Variants in LRP1B observed in about 807,000 individuals in gnomAD.
LRP1B encodes LDL receptor related protein 1B.
A neutral mutation model predicts 556.6 loss-of-function variants in LRP1B; 217 were observed. The ratio of observed to expected loss-of-function variants is 0.39; its 90% CI spans 0.35 to 0.44. LRP1B has a LOEUF of 0.44. LRP1B is among the 20% of genes least tolerant of loss of function. The pLI, the probability that LRP1B is intolerant of heterozygous loss-of-function variation, is 1.00. For synonymous variants in LRP1B, 2,047 were observed against 1,865.8 expected, an observed-to-expected ratio of 1.10 and a Z score of -2.50; for missense variants, 5,053 against 5,620.8, an observed-to-expected ratio of 0.90 and a Z score of 3.23.
intron 1 of LRP1B, among the ~76,000 whole-genome samples, chr2:141,855,044 G>A (rs1377046789): frequency 1.3e-5 from 2 of 151,948 alleles, no homozygotes; most frequent in Non-Finnish European, 2.9e-5. Context: ...AAAAATGAAC[G>A]AAATTTTGTT....
At chr2:141,485,056 A>C (rs1313380684) in intron 2 of LRP1B, among the ~76,000 whole-genome samples, 3 of 152,196 alleles carry the variant, frequency 2.0e-5, no homozygotes, top group Non-Finnish European at 4.4e-5. Flanking sequence ...TTGAGAAAAC[A>C]GAAAAATATG....
At chr2:140,723,677 A>C (rs1447537198) in intron 35 of LRP1B, among the ~76,000 whole-genome samples, 1 of 152,206 alleles carries the variant, frequency 6.6e-6, no homozygotes, top group Non-Finnish European at 1.5e-5. Flanking sequence ...TCTTACATTA[A>C]TATTATCTCT....
intron 7 of LRP1B, among the ~76,000 whole-genome samples, chr2:141,081,681 GC>G (rs1699925912): frequency 7.7e-6 from 1 of 130,582 alleles, no homozygotes; most frequent in East Asian, 2.3e-4. Flanking sequence ...TATTAAATTA[GC>G]CAATAAACTC....
At chr2:140,700,729 T>A in intron 40 of LRP1B, 108 bp from the exon 41 acceptor site, 1 of 1,144,212 alleles carries the variant, frequency 8.7e-7, no homozygotes, top group Non-Finnish European at 1.2e-6. Context: ...GAATATTCTC[T>A]TTTTGCTCTT....
In LRP1B at chr2:141,062,174, C is replaced by T. The variant is rs2105468528; in HGVS notation, c.1113G>A (p.Gln371=). 1.2e-6 allele frequency: 2 copies of T among 1,611,992 alleles called. No individual in the cohort carries two copies. The highest frequency in any genetic ancestry group is 1.7e-6 in the Non-Finnish European group (2 of 1,178,668). ...RTRIIDSKTE[Q]PAALALDLVN... is the part of the protein sequence containing the mutation. Reference sequence around the variant, plus strand: ...CTAGGTCTAGTGCCAGTGCAGCTGGCTGCTCTGTCTTTGAATCAATTATCC... The same window carrying T: ...CTAGGTCTAGTGCCAGTGCAGCTGGTTGCTCTGTCTTTGAATCAATTATCC... The change falls in exon 8 of 91, where the codon CAG becomes CAA. Residue 371 remains glutamine (Q), a synonymous_variant. Coordinates refer to ENST00000389484, the MANE Select transcript of LRP1B (RefSeq NM_018557.3).
intron 1 of LRP1B, among the ~76,000 whole-genome samples, chr2:142,041,918 G>A (rs1704079435): frequency 6.6e-6 from 1 of 151,506 alleles, no homozygotes; most frequent in Non-Finnish European, 1.5e-5. Context: ...TCATGAACCT[G>A]AATTAAAAGT....
intron 2 of LRP1B, among the ~76,000 whole-genome samples, chr2:141,789,507 G>T (rs12995947): frequency 0.19 from 28,448 of 151,708 alleles, 3,114 homozygotes; most frequent in East Asian, 0.38. Context: ...CTTAAGTTTA[G>T]GTTTCAGGTT....
At chr2:140,672,633 T>A (rs1685528800) in intron 41 of LRP1B, among the ~76,000 whole-genome samples, 1 of 152,130 alleles carries the variant, frequency 6.6e-6, no homozygotes, top group African/African-American at 2.4e-5. Flanking sequence ...TCTGAATTAT[T>A]CTTCCTTTTT....
chr2:141,211,003 A>G (rs1182138997), intron 6 of LRP1B, among the ~76,000 whole-genome samples: 1 of 152,052 alleles, frequency 6.6e-6, no homozygotes, highest in South Asian at 2.1e-4. Context: ...TTATTTGTTT[A>G]TTGAGAGGCA....
At chr2:140,233,570 T>C (rs1680566118) in intron 90 of LRP1B, among the ~76,000 whole-genome samples, 1 of 151,184 alleles carries the variant, frequency 6.6e-6, no homozygotes, top group East Asian at 2.0e-4. Flanking sequence ...AAGAGGAGCT[T>C]TGCCATATAC....
intron 2 of LRP1B, among the ~76,000 whole-genome samples, chr2:141,495,570 A>G (rs1455485510): frequency 6.6e-6 from 1 of 152,094 alleles, no homozygotes; most frequent in Non-Finnish European, 1.5e-5. Context: ...AAAAAGTAGA[A>G]CACATTTTTA....
intron 35 of LRP1B, among the ~76,000 whole-genome samples, chr2:140,768,386 C>T (rs1458614377): frequency 6.6e-6 from 1 of 151,700 alleles, no homozygotes; most frequent in Non-Finnish European, 1.5e-5. Flanking sequence ...AGTCTTTACA[C>T]ATATAAAAAC....
At chr2:141,627,800 C>T (rs1174173687) in intron 2 of LRP1B, among the ~76,000 whole-genome samples, 3 of 151,988 alleles carry the variant, frequency 2.0e-5, no homozygotes, top group Non-Finnish European at 4.4e-5. Context: ...TTACGCGATA[C>T]CAACATAGTT....
intron 3 of LRP1B, among the ~76,000 whole-genome samples, chr2:141,301,131 T>C (rs952387123): frequency 6.6e-6 from 1 of 152,116 alleles, no homozygotes; most frequent in Non-Finnish European, 1.5e-5. Flanking sequence ...TTGGAAGATA[T>C]TTTCCTTAAA....
intron 35 of LRP1B, among the ~76,000 whole-genome samples, chr2:140,748,684 AG>A (rs1377215652): frequency 3.2e-5 from 4 of 125,162 alleles, no homozygotes; most frequent in Non-Finnish European, 6.5e-5. Context: ...TATTATTGCT[AG>A]GAATTTTTTA....
intron 2 of LRP1B, among the ~76,000 whole-genome samples, chr2:141,634,149 C>G (rs952743156): frequency 1.3e-5 from 2 of 151,792 alleles, no homozygotes; most frequent in African/African-American, 2.4e-5. Flanking sequence ...CAAACACAGG[C>G]AGTCACCATT....
At chr2:140,900,146 C>T (rs564513108) in intron 23 of LRP1B, among the ~76,000 whole-genome samples, 1 of 152,254 alleles carries the variant, frequency 6.6e-6, no homozygotes, top group East Asian at 1.9e-4. Context: ...GGAGTCAATT[C>T]CATTAGGAGA....
intron 2 of LRP1B, among the ~76,000 whole-genome samples, chr2:141,723,282 C>T (rs1692908302): frequency 6.7e-6 from 1 of 150,010 alleles, no homozygotes; most frequent in Non-Finnish European, 1.5e-5. Flanking sequence ...CTGTGAACTC[C>T]CATTAATATT....
intron 2 of LRP1B, among the ~76,000 whole-genome samples, chr2:141,763,791 AAAGAT>A (rs1450005015): frequency 4.6e-5 from 7 of 152,200 alleles, no homozygotes; most frequent in Non-Finnish European, 5.9e-5. Context: ...GTTTAATATT[AAAGAT>A]AAGAATATAT....
Sources: allele counts gnomAD v4.1 joint callset (sites outside exome capture counted in the v4.1 genomes callset), GRCh38; gene constraint gnomAD v4.1.1; transcripts MANE v1.5; gene names NCBI Gene and HGNC (gene_info 2026-07-23, HGNC 2026-07-21).